Variants in F8 observed in about 807,000 individuals in gnomAD.
F8 encodes coagulation factor VIII.
A neutral mutation model predicts 140.6 loss-of-function variants in F8; 12 were observed. That is an observed-to-expected ratio of 0.09 (90% CI 0.05 to 0.14). The LOEUF (loss-of-function observed/expected upper bound fraction) is 0.14, where lower values mean the gene tolerates loss of function less well. Ranked by LOEUF, F8 falls within the 10% of genes least tolerant of loss-of-function variation. The pLI, the probability that F8 is intolerant of heterozygous loss-of-function variation, is 1.00. For synonymous variants in F8, 585 were observed against 614.6 expected, an observed-to-expected ratio of 0.95 and a Z score of 0.71; for missense variants, 1,354 against 1,720.7, an observed-to-expected ratio of 0.79 and a Z score of 3.77.
chrX:154,950,090 C>G (rs6655258), intron 12 of F8, among the ~76,000 whole-genome samples: 1 of 111,853 alleles, frequency 8.9e-6, no homozygotes, highest in East Asian at 2.8e-4. Context: ...TATAAGGACA[C>G]TAGTCATATT....
chrX:154,956,041 T>C (rs1272041012), intron 11 of F8, among the ~76,000 whole-genome samples: 1 of 111,727 alleles, frequency 9.0e-6, no homozygotes, highest in Non-Finnish European at 1.9e-5. Context: ...GGCCTCCCCC[T>C]GGGAATGCAT....
chrX:155,010,666 T>C, intron 1 of F8, among the ~76,000 whole-genome samples: 1 of 111,040 alleles, frequency 9.0e-6, no homozygotes, highest in East Asian at 2.8e-4. Flanking sequence ...TTATTCTCTG[T>C]GCCTCAGGCT....
At chrX:155,005,392 C>CAGA (rs1428405496) in intron 1 of F8, among the ~76,000 whole-genome samples, 2 of 106,778 alleles carry the variant, frequency 1.9e-5, no homozygotes, top group African/African-American at 6.9e-5. Flanking sequence ...GCATGATGAC[C>CAGA]AGATACCTTA....
intron 14 of F8, among the ~76,000 whole-genome samples, chrX:154,921,261 A>G (rs970559113): frequency 3.6e-5 from 4 of 112,346 alleles, no homozygotes; most frequent in African/African-American, 1.3e-4. Flanking sequence ...TTATGCAGCC[A>G]AAAGACACAT....
chrX:154,993,014 A>G lies in F8; in HGVS notation c.523T>C (p.Tyr175His), dbSNP rs1569559982. ...AGGTCCACATGAGAAAGATATGAGT[A>G]GGTAAGGCACAGTGGGTCAGAGGCC... ...PMASDPLCLT[Y>H]SYLSHVDLVK... The change falls in exon 4 of 26, where the codon TAC becomes CAC. Residue 175 changes from tyrosine (Y) to histidine (H), a missense_variant. By Grantham distance (83) the Tyr-to-His change is moderately conservative. Around this residue, in one of 4 missense-constraint regions of F8, gnomAD observed 128 missense variants for 230.4 expected, o/e 0.56. Coordinates refer to ENST00000360256, the MANE Select transcript of F8 (RefSeq NM_000132.4). 1 of 1,212,039 alleles carries G rather than the reference A, an allele frequency of 8.3e-7. No homozygotes were observed. The highest frequency in any genetic ancestry group is 1.1e-6 in the Non-Finnish European group (1 of 895,519).
intron 14 of F8, among the ~76,000 whole-genome samples, chrX:154,916,178 A>G (rs1307010896): frequency 2.7e-5 from 3 of 111,922 alleles, no homozygotes; most frequent in Admixed American, 9.5e-5. Context: ...ACAAATACTC[A>G]TTTTAATGTG....
chrX:154,843,614 T>C (rs1200028748), intron 25 of F8, among the ~76,000 whole-genome samples: 2 of 112,551 alleles, frequency 1.8e-5, no homozygotes, highest in Non-Finnish European at 3.8e-5. Flanking sequence ...TGTCTGTTTA[T>C]ATCCTTCACC....
At chrX:155,010,828 T>C (rs1433140913) in intron 1 of F8, among the ~76,000 whole-genome samples, 2 of 111,645 alleles carry the variant, frequency 1.8e-5, no homozygotes, top group Non-Finnish European at 1.9e-5. Context: ...GTCACTAACA[T>C]TGCTCATCTG....
chrX:154,984,008 G>A (rs2073543752), intron 6 of F8, among the ~76,000 whole-genome samples: 1 of 111,919 alleles, frequency 8.9e-6, no homozygotes, highest in Non-Finnish European at 1.9e-5. Context: ...TAGAAACCAT[G>A]AGTTGAGGGG....
At chrX:154,855,082 T>A (rs1365338401) in intron 25 of F8, among the ~76,000 whole-genome samples, 2 of 111,849 alleles carry the variant, frequency 1.8e-5, no homozygotes, top group African/African-American at 6.5e-5. Flanking sequence ...ATCATGCCAC[T>A]GCACTCCGGC....
chrX:154,929,716 C>T lies in F8; in HGVS notation c.4074G>A (p.Gln1358=). 8.3e-7 allele frequency: 1 copy of T among 1,210,350 alleles called. No homozygotes were observed. Among genetic ancestry groups the T allele is most frequent in the Non-Finnish European group, 1.1e-6 (1 of 894,879 alleles). Residue 1358 remains glutamine, a synonymous_variant, in exon 14 of 26, where the codon CAG becomes CAA. Transcript: ENST00000360256. ...KRIIVDDTST[Q]WSKNMKHLTP... ...TCAAATGTTTCATGTTTTTGGACCA[C>T]TGGGTTGAGGTGTCATCCACAATTA...
intron 25 of F8, among the ~76,000 whole-genome samples, chrX:154,854,519 G>A (rs782587300): frequency 1.8e-5 from 2 of 110,789 alleles, no homozygotes; most frequent in Admixed American, 1.9e-4. Flanking sequence ...GCTCTCTGGG[G>A]TCTCTAGGCT....
Position 154,929,536 on chromosome X carries a change from A to C in F8, c.4254T>G (p.Ile1418Met), listed in dbSNP as rs1557278465. Residue 1418 changes from isoleucine to methionine, a missense_variant, in exon 14 of 26, where the codon ATT becomes ATG. This residue lies in a region of F8 where 658 missense variants were observed against 666.5 expected (regional missense o/e 0.99). Transcript: ENST00000360256. ...PIAKVSSFPS[I>M]RPIYLTRVLF... ...GGACCCTGGTCAGATATATAGGTCT[A>C]ATAGATGGAAATGATGATACCTTTG... The C allele has an allele frequency of 1.7e-6, 2 of 1,210,124 alleles. No individual in the cohort carries two copies. Among genetic ancestry groups the C allele is most frequent in the South Asian group, 3.5e-5 (2 of 56,942 alleles).
At chrX:154,850,878 T>A (rs1173686496) in intron 25 of F8, among the ~76,000 whole-genome samples, 1 of 112,428 alleles carries the variant, frequency 8.9e-6, no homozygotes, top group Non-Finnish European at 1.9e-5. Flanking sequence ...GTACATGTCT[T>A]CTGACTTATC....
chrX:154,891,076 T>C (rs188371084), intron 22 of F8, among the ~76,000 whole-genome samples: 46 of 113,200 alleles, frequency 4.1e-4, no homozygotes, highest in African/African-American at 1.5e-3. Flanking sequence ...TGGAGCACAG[T>C]AGTGCTCTTG....
Position 154,905,052 on chromosome X carries a change from A to G in F8, c.5374-29T>C, listed in dbSNP as rs782539093. ...TAGAACAATAACGACAAAAAAAAAAAAGCAAGAATAATCTTCTAGGATCTT... is the reference window on the plus strand; with the variant it reads ...TAGAACAATAACGACAAAAAAAAAAGAGCAAGAATAATCTTCTAGGATCTT... On this transcript the variant is annotated intron_variant, in intron 15 of 25. Coordinates refer to ENST00000360256, the MANE Select transcript of F8 (RefSeq NM_000132.4). 7.4e-6 allele frequency: 8 copies of G among 1,080,645 alleles called. No individual in the cohort carries two copies. In the African/African-American group the frequency reaches 1.1e-4, roughly 15 times the overall value. 89.1% of individuals were successfully genotyped at this position (1,080,645 alleles called of 1,213,427 possible).
intron 22 of F8, among the ~76,000 whole-genome samples, chrX:154,866,177 G>T (rs998408994): frequency 2.7e-5 from 3 of 111,671 alleles, no homozygotes; most frequent in Non-Finnish European, 5.7e-5. Flanking sequence ...TAATAAAAGG[G>T]TCACTTGAAC....
chrX:154,905,815 C>T (rs2073035260), intron 15 of F8, among the ~76,000 whole-genome samples: 1 of 111,437 alleles, frequency 9.0e-6, no homozygotes, highest in Admixed American at 9.6e-5. Context: ...CAAAAACCAT[C>T]ATTTATAAAA....
At chrX:154,916,645 A>ACT (rs782460381) in intron 14 of F8, among the ~76,000 whole-genome samples, 1 of 107,655 alleles carries the variant, frequency 9.3e-6, no homozygotes, top group African/African-American at 3.4e-5. Flanking sequence ...AGTTTTAATG[A>ACT]CTCTTTTCAT....
Sources: gnomAD v4.1 joint callset for allele counts (sites outside exome capture counted in the v4.1 genomes callset) on GRCh38, gnomAD v4.1.1 for gene constraint, gnomAD v4.1.1 regional missense constraint, MANE v1.5 for transcripts, NCBI Gene and HGNC (gene_info 2026-07-23, HGNC 2026-07-21) for gene names.